The following GABARAPL1 variants were observed in gnomAD, a reference collection of about 807,000 sequenced individuals.
The protein encoded by GABARAPL1 is gamma-aminobutyric acid receptor-associated protein-like 1.
GABARAPL1 carries 4 observed loss-of-function variants against 14.5 expected under a neutral mutation model. The observed-to-expected ratio is 0.28, with a 90% CI of 0.14 to 0.63. The LOEUF (loss-of-function observed/expected upper bound fraction) is 0.63, where lower values mean the gene tolerates loss of function less well. Among genes scored for constraint, GABARAPL1 ranks in the 30% least tolerant of loss-of-function variants. GABARAPL1 has a pLI of 0.84. For synonymous variants in GABARAPL1, 47 were observed against 50.6 expected (o/e 0.93, Z 0.30); for missense variants, 82 against 139.2 (o/e 0.59, Z 2.07).
chr12:10,220,794 G>T (rs1949116988), intron 3 of GABARAPL1: 38 of 1,457,784 alleles, frequency 2.6e-5, no homozygotes, highest in Middle Eastern at 2.4e-4. Flanking sequence ...CTATAGTCTT[G>T]TCTGACTATA....
Position 10,213,149 on chromosome 12 carries a change from A to G in GABARAPL1, c.20A>G (p.Glu7Gly). The change falls in exon 1 of 4, where the codon GAG becomes GGG. Residue 7 changes from glutamate to glycine, a missense_variant. By Grantham distance (98) the Glu-to-Gly change is moderately conservative. Transcript: ENST00000266458. ...TGCATCATGAAGTTCCAGTACAAGG[A>G]GGACCATCCCTTTGAGTATCGGAAA... MKFQYK[E>G]DHPFEYRKKE... 1 of 1,588,004 alleles carries G rather than the reference A, an allele frequency of 6.3e-7. No individual in the cohort carries two copies. Among genetic ancestry groups the G allele is most frequent in the South Asian group, 1.2e-5 (1 of 86,932 alleles).
At chr12:10,217,991 C>T (rs1287991320) in intron 1 of GABARAPL1, 72 bp from the exon 2 acceptor site, 1 of 899,890 alleles carries the variant, frequency 1.1e-6, no homozygotes, top group Non-Finnish European at 1.9e-6. Context: ...CTAGGCAACT[C>T]TAGGGTGTAG....
intron 3 of GABARAPL1, 51 bp from the exon 4 acceptor site, chr12:10,221,736 A>C: frequency 6.3e-7 from 1 of 1,597,538 alleles, no homozygotes; most frequent in Non-Finnish European, 8.6e-7. Context: ...AGCATCTTAG[A>C]GCTAATGAAT....
intron 1 of GABARAPL1, chr12:10,214,036 C>G: frequency 3.0e-6 from 1 of 338,012 alleles, no homozygotes; most frequent in Non-Finnish European, 6.1e-6. Flanking sequence ...CCCATTACCC[C>G]CTCCCCCGCC....
chr12:10,214,565 T>TA (rs1949077587), intron 1 of GABARAPL1: 2 of 152,218 alleles, frequency 1.3e-5, no homozygotes, highest in Non-Finnish European at 2.9e-5. Flanking sequence ...CAATGATATT[T>TA]AAAAAATACA....
At chr12:10,214,576 A>G (rs185791749) in intron 1 of GABARAPL1, 4 of 152,342 alleles carry the variant, frequency 2.6e-5, no homozygotes, top group Non-Finnish European at 4.4e-5. Context: ...AAAAAATACA[A>G]TCAAGTTTTA....
intron 1 of GABARAPL1, among the ~76,000 whole-genome samples, chr12:10,215,067 CTG>C (rs1336513704): frequency 5.3e-5 from 8 of 152,290 alleles, no homozygotes; most frequent in Admixed American, 2.0e-4. Context: ...GGTGACCAGT[CTG>C]TGACCTTCTT....
intron 1 of GABARAPL1, among the ~76,000 whole-genome samples, chr12:10,215,763 TGGC>T (rs1487847631): frequency 6.6e-6 from 1 of 152,212 alleles, no homozygotes; most frequent in Non-Finnish European, 1.5e-5. Flanking sequence ...TTTTAATTCC[TGGC>T]TTACGTTACC....
rs1216635451 is a variant in GABARAPL1, at chr12:10,222,205, G to A, written c.*353G>A. 7.9e-6 allele frequency: 2 copies of A among 254,620 alleles called. No homozygotes were observed. Among genetic ancestry groups the A allele is most frequent in the Non-Finnish European group, 1.6e-5 (2 of 127,924 alleles). 15.8% of individuals were successfully genotyped at this position (254,620 alleles called of 1,614,324 possible). ...GGCCAGAGATGATGGCAGTCCAGCA[G>A]CAACTCCCTGTGCTCCCTTCTCTTT... On this transcript the variant is annotated 3_prime_UTR_variant, in exon 4 of 4. Transcript: ENST00000266458.
chr12:10,220,591 G>A (rs765403097), intron 3 of GABARAPL1, 33 bp downstream of exon 3: 30 of 1,612,956 alleles, frequency 1.9e-5, no homozygotes, highest in East Asian at 4.5e-5. Context: ...ACTGGATGCC[G>A]TCCAGTGCAG....
chr12:10,218,812 G>C (rs1260169046), intron 2 of GABARAPL1, among the ~76,000 whole-genome samples: 1 of 151,366 alleles, frequency 6.6e-6, no homozygotes, highest in Non-Finnish European at 1.5e-5. Flanking sequence ...GGATTCAAGC[G>C]ATTCTCCTGC....
In GABARAPL1 at chr12:10,220,498, A is replaced by T. The variant is rs2137591429; in HGVS notation, c.228A>T (p.Leu76Phe). ...KRIHLRPEDALFFFVNNTIPP... is the reference protein window; with the variant it reads ...KRIHLRPEDAFFFFVNNTIPP... ...TCCACCTGAGACCTGAGGACGCCTT[A>T]TTCTTCTTTGTCAACAACACCATCC... The change falls in exon 3 of 4, where the codon TTA becomes TTT. Residue 76 changes from leucine to phenylalanine, a missense_variant. Physicochemically the swap from Leu to Phe is conservative, Grantham distance 22. This residue lies in a region of GABARAPL1 where 65 missense variants were observed against 103.7 expected (regional missense o/e 0.63). Coordinates refer to ENST00000266458, the MANE Select transcript of GABARAPL1 (RefSeq NM_031412.4). 1 of 1,613,754 alleles carries T rather than the reference A, an allele frequency of 6.2e-7. No individual in the cohort carries two copies. The highest frequency in any genetic ancestry group is 2.2e-5 in the East Asian group (1 of 44,876).
Position 10,221,952 on chromosome 12 carries a change from G to T in GABARAPL1, c.*100G>T. 1.0e-6 allele frequency: 1 copy of T among 957,728 alleles called. No homozygotes were observed. Among genetic ancestry groups the T allele is most frequent in the Non-Finnish European group, 1.7e-6 (1 of 599,120 alleles). The allele number at this position is 957,728 out of a possible 1,614,324, so 59.3% of individuals were successfully genotyped here. A position where few individuals can be genotyped will look rare whatever the true frequency, so the allele number is the denominator to read the frequency against. On this transcript the variant is annotated 3_prime_UTR_variant, in exon 4 of 4. Coordinates refer to ENST00000266458, the MANE Select transcript of GABARAPL1 (RefSeq NM_031412.4). Reference sequence around the variant, plus strand: ...AAGAGGGTGGCTCCCACCGCAAGGAGACAGAAGGTGAAGACATCTAGAAAC... The same window carrying T: ...AAGAGGGTGGCTCCCACCGCAAGGATACAGAAGGTGAAGACATCTAGAAAC...
chr12:10,217,912 T>C lies in GABARAPL1; in HGVS notation c.91-151T>C, dbSNP rs1398460996. The C allele has an allele frequency of 3.4e-5, 20 of 589,370 alleles. No individual in the cohort carries two copies. The East Asian group carries it at 5.5e-4, about 16-fold the overall frequency. The allele number at this position is 589,370 out of a possible 1,614,324, so 36.5% of individuals were successfully genotyped here. A position where few individuals can be genotyped will look rare whatever the true frequency, so the allele number is the denominator to read the frequency against. ...GAAGCCTATTTTTTTTGTATAATTTTATAAGGGGTGGGGGGATAAGAAATG... is the reference window on the plus strand; with the variant it reads ...GAAGCCTATTTTTTTTGTATAATTTCATAAGGGGTGGGGGGATAAGAAATG... On this transcript the variant is annotated intron_variant, in intron 1 of 3. Transcript: ENST00000266458.
chr12:10,216,537 C>CTTTTTTTTTTTTTT (rs71049067), intron 1 of GABARAPL1, among the ~76,000 whole-genome samples: 14 of 112,208 alleles, frequency 1.2e-4, no homozygotes, highest in South Asian at 3.0e-4. Context: ...ATTTTCTTTT[C>CTTTTTTTTTTTTTT]TTTTTTTTTT....
At chr12:10,215,170 T>A (rs1336933950) in intron 1 of GABARAPL1, among the ~76,000 whole-genome samples, 1 of 152,114 alleles carries the variant, frequency 6.6e-6, no homozygotes, top group Non-Finnish European at 1.5e-5. Context: ...TGTGCTAGAG[T>A]GTCTTGTTTA....
At chr12:10,221,357 TTTTTGCAGTA>T in intron 3 of GABARAPL1, 5 of 981,678 alleles carry the variant, frequency 5.1e-6, no homozygotes, top group Non-Finnish European at 6.1e-6. Context: ...TAACTATTGT[TTTTTGCAGTA>T]TTTTGCATAA....
At chr12:10,219,765 C>G (rs1035620103) in intron 2 of GABARAPL1, among the ~76,000 whole-genome samples, 1 of 151,846 alleles carries the variant, frequency 6.6e-6, no homozygotes, top group Non-Finnish European at 1.5e-5. Flanking sequence ...TTCGCCATTG[C>G]GCTTTCAGCC....
chr12:10,221,031 GA>G, intron 3 of GABARAPL1: 17 of 985,316 alleles, frequency 1.7e-5, no homozygotes, highest in Non-Finnish European at 2.0e-5. Flanking sequence ...TCTGCCAACT[GA>G]AGGATTCTCC....
Sources: gnomAD v4.1 joint callset for allele counts (sites outside exome capture counted in the v4.1 genomes callset) on GRCh38, gnomAD v4.1.1 for gene constraint, gnomAD v4.1.1 regional missense constraint, MANE v1.5 for transcripts, NCBI Gene and HGNC (gene_info 2026-07-23, HGNC 2026-07-21) for gene names.